The following SLC35F1 variants were observed in gnomAD, a reference collection of about 807,000 sequenced individuals.
The protein encoded by SLC35F1 is solute carrier family 35 member F1, also known as chromosome 6 open reading frame 169.
A neutral mutation model predicts 48.7 loss-of-function variants in SLC35F1; 14 were observed. The ratio of observed to expected loss-of-function variants is 0.29; its 90% CI spans 0.19 to 0.45. The LOEUF (loss-of-function observed/expected upper bound fraction) is 0.45. Among genes scored for constraint, SLC35F1 ranks in the 20% least tolerant of loss-of-function variants. The pLI, the probability that SLC35F1 is intolerant of heterozygous loss-of-function variation, is 1.00. For missense variants in SLC35F1, 404 were observed against 500.0 expected (o/e 0.81, Z 1.83); for synonymous variants, 190 against 202.2 (o/e 0.94, Z 0.51).
chr6:117,947,207 T>A (rs777116666), intron 1 of SLC35F1, among the ~76,000 whole-genome samples: 1 of 152,126 alleles, frequency 6.6e-6, no homozygotes, highest in Non-Finnish European at 1.5e-5. Context: ...GCTAGTTAGA[T>A]ATCTGGGGAA....
intron 1 of SLC35F1, among the ~76,000 whole-genome samples, chr6:117,917,190 G>T (rs1285644287): frequency 6.6e-6 from 1 of 152,024 alleles, no homozygotes; most frequent in Non-Finnish European, 1.5e-5. Flanking sequence ...GTCATTCCAG[G>T]CAGAGATGCT....
At chr6:118,251,142 G>T (rs779638631) in intron 3 of SLC35F1, among the ~76,000 whole-genome samples, 1 of 152,046 alleles carries the variant, frequency 6.6e-6, no homozygotes, top group Admixed American at 6.6e-5. Flanking sequence ...CAAAAAATTA[G>T]CTGGACATGG....
rs781761290 is a variant in SLC35F1, at chr6:118,314,212, G to A, written c.1187G>A (p.Gly396Asp). ...VEPSVTYTSL[G>D]QETEEEPHVR... ...CCCTCAGTCACCTACACCAGCCTGG[G>A]CCAGGAGACCGAAGAGGAGCCTCAT... Residue 396 changes from glycine (G) to aspartate (D), a missense_variant, in exon 8 of 8, where the codon GGC becomes GAC. Gly to Asp is a moderately conservative substitution (Grantham distance 94, BLOSUM62 -1). This residue lies in a region of SLC35F1 where 306 missense variants were observed against 419.1 expected (regional missense o/e 0.73). Transcript: ENST00000360388. The A allele has an allele frequency of 1.1e-5, 18 of 1,614,056 alleles. No individual in the cohort carries two copies. Among genetic ancestry groups the A allele is most frequent in the Non-Finnish European group, 1.4e-5 (17 of 1,180,028 alleles).
At chr6:118,139,095 T>G (rs1452057825) in intron 1 of SLC35F1, among the ~76,000 whole-genome samples, 2 of 152,116 alleles carry the variant, frequency 1.3e-5, no homozygotes, top group African/African-American at 4.8e-5. Context: ...GAACCAAGGA[T>G]GGAGTTTAAA....
At chr6:117,969,322 G>C (rs980435244) in intron 1 of SLC35F1, among the ~76,000 whole-genome samples, 1 of 152,122 alleles carries the variant, frequency 6.6e-6, no homozygotes, top group East Asian at 1.9e-4. Flanking sequence ...TTGATAGGAA[G>C]GTATATAGAG....
intron 1 of SLC35F1, among the ~76,000 whole-genome samples, chr6:118,083,339 G>T (rs1269340560): frequency 6.6e-6 from 1 of 152,192 alleles, no homozygotes; most frequent in Non-Finnish European, 1.5e-5. Context: ...GCTGACCTAA[G>T]TGGTAAAGTA....
At chr6:118,258,970 G>T (rs371786896) in intron 3 of SLC35F1, among the ~76,000 whole-genome samples, 1 of 151,788 alleles carries the variant, frequency 6.6e-6, no homozygotes, top group East Asian at 1.9e-4. Flanking sequence ...CGCTGATTTG[G>T]GGAGAGAGAA....
intron 1 of SLC35F1, among the ~76,000 whole-genome samples, chr6:118,099,809 G>T (rs771903512): frequency 2.3e-4 from 35 of 152,288 alleles, no homozygotes; most frequent in Non-Finnish European, 4.7e-4. Flanking sequence ...CACATGGGCA[G>T]ATTGGATAGG....
At chr6:117,963,320 A>G (rs1229367429) in intron 1 of SLC35F1, among the ~76,000 whole-genome samples, 3 of 151,522 alleles carry the variant, frequency 2.0e-5, no homozygotes, top group Non-Finnish European at 4.4e-5. Context: ...GTAAATACTT[A>G]GTGATTAGTT....
At chr6:117,919,132 G>A (rs1361215336) in intron 1 of SLC35F1, among the ~76,000 whole-genome samples, 2 of 152,002 alleles carry the variant, frequency 1.3e-5, no homozygotes, top group Non-Finnish European at 2.9e-5. Flanking sequence ...CTGGGTTCAC[G>A]TGATGTTCCC....
intron 7 of SLC35F1, among the ~76,000 whole-genome samples, chr6:118,287,771 AACTT>A (rs1008708028): frequency 7.9e-5 from 12 of 152,102 alleles, no homozygotes; most frequent in African/African-American, 2.9e-4. Context: ...GGGTTCCTCA[AACTT>A]ACACACATCA....
intron 1 of SLC35F1, among the ~76,000 whole-genome samples, chr6:117,940,270 G>A (rs1024742991): frequency 6.6e-6 from 1 of 152,140 alleles, no homozygotes; most frequent in Non-Finnish European, 1.5e-5. Context: ...CACTGTTGGG[G>A]GATAGCCATA....
intron 1 of SLC35F1, among the ~76,000 whole-genome samples, chr6:118,039,390 CT>C (rs1772178917): frequency 6.6e-6 from 1 of 151,884 alleles, no homozygotes; most frequent in Non-Finnish European, 1.5e-5. Context: ...AAGTCTGTGT[CT>C]TTTACATAAT....
At chr6:118,292,294 G>A (rs1482053517) in intron 7 of SLC35F1, among the ~76,000 whole-genome samples, 1 of 152,116 alleles carries the variant, frequency 6.6e-6, no homozygotes, top group Non-Finnish European at 1.5e-5. Flanking sequence ...AGGTAGAACT[G>A]GGACCAAAGG....
intron 1 of SLC35F1, among the ~76,000 whole-genome samples, chr6:118,053,087 A>T (rs1772414067): frequency 6.6e-6 from 1 of 152,144 alleles, no homozygotes; most frequent in South Asian, 2.1e-4. Flanking sequence ...TTGAAAAAAA[A>T]AAATTATCTG....
At chr6:118,117,191 G>T (rs756052261) in intron 1 of SLC35F1, among the ~76,000 whole-genome samples, 2 of 152,116 alleles carry the variant, frequency 1.3e-5, no homozygotes, top group African/African-American at 2.4e-5. Context: ...ACACTTAACC[G>T]TACCAACACC....
At chr6:118,034,068 G>A (rs1772092888) in intron 1 of SLC35F1, among the ~76,000 whole-genome samples, 1 of 152,152 alleles carries the variant, frequency 6.6e-6, no homozygotes, top group South Asian at 2.1e-4. Context: ...TCAGATAGTA[G>A]AATAGTAAAA....
At chr6:117,973,581 A>T (rs1342905501) in intron 1 of SLC35F1, among the ~76,000 whole-genome samples, 1 of 151,552 alleles carries the variant, frequency 6.6e-6, no homozygotes, top group Non-Finnish European at 1.5e-5. Context: ...TTTAATATAT[A>T]TTTTTTTGAG....
At chr6:117,995,899 A>G (rs935528064) in intron 1 of SLC35F1, among the ~76,000 whole-genome samples, 2 of 152,246 alleles carry the variant, frequency 1.3e-5, no homozygotes, top group Admixed American at 6.5e-5. Context: ...TTTGAAAGTG[A>G]GAAAAGAAAA....
Sources: allele counts gnomAD v4.1 joint callset (sites outside exome capture counted in the v4.1 genomes callset), GRCh38; gene constraint gnomAD v4.1.1; regional missense constraint gnomAD v4.1.1; transcripts MANE v1.5; gene names NCBI Gene and HGNC (gene_info 2026-07-23, HGNC 2026-07-21).